The following GALNT17 variants were observed in gnomAD, a reference collection of about 807,000 sequenced individuals.
GALNT17 encodes polypeptide N-acetylgalactosaminyltransferase 17, also known as UDP-GalNAc:polypeptide N-acetylgalactosaminyltransferase-like 3.
A neutral mutation model predicts 63.7 loss-of-function variants in GALNT17; 29 were observed. That is an observed-to-expected ratio of 0.46 (90% CI 0.34 to 0.62). The LOEUF (loss-of-function observed/expected upper bound fraction) is 0.62, where lower values mean the gene tolerates loss of function less well. Among genes scored for constraint, GALNT17 ranks in the 20% least tolerant of loss-of-function variants. The probability of loss-of-function intolerance (pLI) is 0.01; values close to 1 mark genes in which losing one functional copy is unlikely to be tolerated. For missense variants in GALNT17, 603 were observed against 799.6 expected (o/e 0.75, Z 2.97); for synonymous variants, 305 against 318.3 (o/e 0.96, Z 0.45).
intron 1 of GALNT17, among the ~76,000 whole-genome samples, chr7:71,179,611 C>T (rs1462148837): frequency 1.3e-5 from 2 of 152,214 alleles, no homozygotes; most frequent in Admixed American, 6.5e-5. Context: ...ATCCTAGGCT[C>T]TTGGTGAGCC....
At chr7:71,662,135 T>C (rs1365718686) in intron 6 of GALNT17, among the ~76,000 whole-genome samples, 1 of 152,128 alleles carries the variant, frequency 6.6e-6, no homozygotes, top group East Asian at 1.9e-4. Context: ...GCTTGTGGGT[T>C]CTGTTCCCAC....
chr7:71,669,947 C>A, intron 7 of GALNT17, 25 bp from the exon 8 acceptor site: 2 of 1,613,508 alleles, frequency 1.2e-6, no homozygotes, highest in Non-Finnish European at 1.7e-6. Flanking sequence ...GTCACTAACA[C>A]CCCTTGGCTT....
chr7:71,324,391 C>G (rs536675529), intron 1 of GALNT17, among the ~76,000 whole-genome samples: 126 of 152,206 alleles, frequency 8.3e-4, no homozygotes, highest in African/African-American at 2.9e-3. Context: ...TGGCTCACAC[C>G]TGTAATCCTA....
chr7:71,577,713 C>G (rs1190477919), intron 6 of GALNT17, among the ~76,000 whole-genome samples: 1 of 152,134 alleles, frequency 6.6e-6, no homozygotes, highest in Non-Finnish European at 1.5e-5. Flanking sequence ...TCAGGGTAAA[C>G]ATAACATTCT....
At chr7:71,449,902 G>A (rs376269794) in intron 5 of GALNT17, among the ~76,000 whole-genome samples, 8 of 151,822 alleles carry the variant, frequency 5.3e-5, no homozygotes, top group Non-Finnish European at 1.0e-4. Flanking sequence ...TTAGCCAGTC[G>A]TGGTGGCAGG....
At chr7:71,304,023 C>T (rs527671480) in intron 1 of GALNT17, among the ~76,000 whole-genome samples, 1 of 152,302 alleles carries the variant, frequency 6.6e-6, no homozygotes, top group South Asian at 2.1e-4. Context: ...AATTAAAATA[C>T]TAAATAAGCT....
chr7:71,533,312 C>T lies in GALNT17; in HGVS notation c.963-37973C>T, dbSNP rs547238924. Among the ~76,000 whole-genome samples the T allele has an allele frequency of 7.7e-4, 117 of 152,302 alleles. 1 individual carries two copies. The highest frequency in any genetic ancestry group is 2.6e-3 in the African/African-American group (110 of 41,566). ...AAGACTATGAGACGATGTATTCTTG[C>T]GTCTTGCAGTTGATAACAACCAAAA... is the stretch of plus-strand genomic sequence containing the variant. On this transcript the variant is annotated intron_variant, in intron 5 of 10. Transcript: ENST00000333538.
intron 2 of GALNT17, among the ~76,000 whole-genome samples, chr7:71,385,954 C>G (rs1039138884): frequency 3.3e-5 from 5 of 152,200 alleles, no homozygotes; most frequent in African/African-American, 9.7e-5. Flanking sequence ...GTAATCCCAG[C>G]ACTTGGGAAG....
intron 5 of GALNT17, among the ~76,000 whole-genome samples, chr7:71,424,181 A>G (rs757374421): frequency 6.6e-6 from 1 of 152,206 alleles, no homozygotes; most frequent in Non-Finnish European, 1.5e-5. Flanking sequence ...CTAAGCCTTC[A>G]GGGATATTTG....
intron 1 of GALNT17, among the ~76,000 whole-genome samples, chr7:71,320,867 G>C (rs1488900479): frequency 6.6e-6 from 1 of 152,136 alleles, no homozygotes; most frequent in African/African-American, 2.4e-5. Context: ...GACCAGAATT[G>C]TTGTCACTCA....
At chr7:71,396,862 C>A (rs1457678459) in intron 3 of GALNT17, among the ~76,000 whole-genome samples, 1 of 151,834 alleles carries the variant, frequency 6.6e-6, no homozygotes, top group Non-Finnish European at 1.5e-5. Flanking sequence ...ATGTTTTATT[C>A]TTTTTAATAC....
intron 6 of GALNT17, among the ~76,000 whole-genome samples, chr7:71,629,284 C>T (rs1790422391): frequency 6.6e-6 from 1 of 152,118 alleles, no homozygotes; most frequent in Admixed American, 6.5e-5. Flanking sequence ...AGCCAGCCCA[C>T]AATCCTGCGG....
At chr7:71,417,444 C>T (rs1291916979) in intron 4 of GALNT17, among the ~76,000 whole-genome samples, 1 of 152,110 alleles carries the variant, frequency 6.6e-6, no homozygotes, top group Non-Finnish European at 1.5e-5. Flanking sequence ...ATGTCTTCAG[C>T]CCTCATCTCT....
intron 1 of GALNT17, among the ~76,000 whole-genome samples, chr7:71,258,419 CT>C (rs1158363992): frequency 1.3e-5 from 2 of 152,176 alleles, no homozygotes; most frequent in African/African-American, 4.8e-5. Flanking sequence ...TTCGTGAAGC[CT>C]TGATAATGCA....
At chr7:71,452,516 A>T (rs1213189326) in intron 5 of GALNT17, among the ~76,000 whole-genome samples, 1 of 152,216 alleles carries the variant, frequency 6.6e-6, no homozygotes, top group Non-Finnish European at 1.5e-5. Context: ...CATTGCACCC[A>T]GCCTGGGTGA....
At chr7:71,643,933 C>T (rs755061672) in intron 6 of GALNT17, among the ~76,000 whole-genome samples, 12 of 152,270 alleles carry the variant, frequency 7.9e-5, no homozygotes, top group Non-Finnish European at 1.6e-4. Flanking sequence ...TGGGATGGGG[C>T]AGGCCAGTGA....
At chr7:71,332,931 G>A (rs759243993) in intron 1 of GALNT17, among the ~76,000 whole-genome samples, 31 of 152,074 alleles carry the variant, frequency 2.0e-4, no homozygotes, top group African/African-American at 6.5e-4. Context: ...CAAGTGATCC[G>A]CCCACCTCAG....
chr7:71,523,787 T>TAAG (rs1788570448), intron 5 of GALNT17, among the ~76,000 whole-genome samples: 1 of 120,404 alleles, frequency 8.3e-6, no homozygotes, highest in Non-Finnish European at 1.8e-5. Flanking sequence ...AAATAAATAA[T>TAAG]AAAGAAAAGA....
At chr7:71,322,750 G>C (rs529210355) in intron 1 of GALNT17, among the ~76,000 whole-genome samples, 5 of 152,234 alleles carry the variant, frequency 3.3e-5, no homozygotes, top group South Asian at 2.1e-4. Context: ...GTCCTTATAG[G>C]AGAGGAAGAG....
Sources: gnomAD v4.1 joint callset for allele counts (sites outside exome capture counted in the v4.1 genomes callset) on GRCh38, gnomAD v4.1.1 for gene constraint, MANE v1.5 for transcripts, NCBI Gene and HGNC (gene_info 2026-07-23, HGNC 2026-07-21) for gene names.